Variants in SFT2D2 observed in about 807,000 individuals in gnomAD.
The protein encoded by SFT2D2 is vesicle transport protein SFT2B.
Under a neutral mutation model 27.4 loss-of-function variants are expected in SFT2D2, and 21 were observed. That is an observed-to-expected ratio of 0.77 (90% CI 0.54 to 1.10). SFT2D2 has a LOEUF of 1.10. Among genes scored for constraint, SFT2D2 ranks in the 50% least tolerant of loss-of-function variants. SFT2D2 has a pLI of 0.00. For missense variants in SFT2D2, 187 were observed against 194.2 expected, an observed-to-expected ratio of 0.96 and a Z score of 0.22; for synonymous variants, 72 against 71.7, an observed-to-expected ratio of 1.00 and a Z score of -0.02.
chr1:168,232,541 CT>C (rs1359989268), intron 3 of SFT2D2, among the ~76,000 whole-genome samples: 1 of 152,192 alleles, frequency 6.6e-6, no homozygotes, highest in South Asian at 2.1e-4. Context: ...TTGTTTCCCC[CT>C]TTTCCCTTCC....
At chr1:168,227,687 C>G (rs1321348837) in intron 1 of SFT2D2, among the ~76,000 whole-genome samples, 1 of 152,116 alleles carries the variant, frequency 6.6e-6, no homozygotes, top group African/African-American at 2.4e-5. Flanking sequence ...CAGACCGGGC[C>G]TAAGAAAGGT....
At chr1:168,241,207 T>C (rs1423190946) in intron 7 of SFT2D2, among the ~76,000 whole-genome samples, 1 of 138,292 alleles carries the variant, frequency 7.2e-6, no homozygotes. Flanking sequence ...CTTCTATTCT[T>C]TTTTTTTTTT....
chr1:168,229,112 T>C (rs1398013434), intron 1 of SFT2D2, among the ~76,000 whole-genome samples: 1 of 152,188 alleles, frequency 6.6e-6, no homozygotes, highest in African/African-American at 2.4e-5. Flanking sequence ...TGGATTCAGC[T>C]TGAGAGACTT....
rs573701244 is a variant in SFT2D2, at chr1:168,248,128, C to G, written c.*5588C>G. On this transcript the variant is annotated 3_prime_UTR_variant, in exon 8 of 8. Coordinates refer to ENST00000271375, the MANE Select transcript of SFT2D2 (RefSeq NM_199344.3). The stretch of plus-strand genomic sequence containing the variant: ...TCCCATTCTGTAGGTTGCCTGTTCA[C>G]TCTGATGATAGTTTCTTTTGCTGTG... 4 of 152,188 alleles carry G rather than the reference C, an allele frequency of 2.6e-5. No homozygotes were observed. Among genetic ancestry groups the G allele is most frequent in the Non-Finnish European group, 1.5e-5 (1 of 68,036 alleles). The allele number at this position is 152,188 out of a possible 1,614,324, so 9.4% of individuals were successfully genotyped here. A position where few individuals can be genotyped will look rare whatever the true frequency, so the allele number is the denominator to read the frequency against.
Position 168,246,657 on chromosome 1 carries a change from A to G in SFT2D2, c.*4117A>G. 7.6e-7 allele frequency: 1 copy of G among 1,317,918 alleles called. No homozygotes were observed. The highest frequency in any genetic ancestry group is 1.1e-6 in the Non-Finnish European group (1 of 930,516). 81.6% of individuals were successfully genotyped at this position (1,317,918 alleles called of 1,614,324 possible). A position where few individuals can be genotyped will look rare whatever the true frequency, so the allele number is the denominator to read the frequency against. Reference sequence around the variant, plus strand: ...GCTCTTGGTCTCTTTCTGTTGAGTGACTTTGATCATGATCATGTAGAGCAA... The same window carrying G: ...GCTCTTGGTCTCTTTCTGTTGAGTGGCTTTGATCATGATCATGTAGAGCAA... On this transcript the variant is annotated 3_prime_UTR_variant, in exon 8 of 8. Coordinates refer to ENST00000271375, the MANE Select transcript of SFT2D2 (RefSeq NM_199344.3).
chr1:168,239,249 C>CTGAAGTCT (rs1212690984), intron 7 of SFT2D2, 89 bp downstream of exon 7: 1 of 1,055,768 alleles, frequency 9.5e-7, no homozygotes, highest in East Asian at 2.4e-5. Flanking sequence ...TTTATCTTTA[C>CTGAAGTCT]TGAAGTCTTT....
chr1:168,240,727 C>T lies in SFT2D2; in HGVS notation c.443+1567C>T, dbSNP rs146163953. Reference sequence around the variant, plus strand: ...AGGAGTTCAAGACCAGCTTGACCAACGTGGTGAACTCCTGTCTTTACTAAA... The same window carrying T: ...AGGAGTTCAAGACCAGCTTGACCAATGTGGTGAACTCCTGTCTTTACTAAA... On this transcript the variant is annotated intron_variant, in intron 7 of 7. Transcript: ENST00000271375. Among the ~76,000 whole-genome samples the T allele has an allele frequency of 2.1e-3, 317 of 152,238 alleles. 3 individuals are homozygous for T. Among genetic ancestry groups the T allele is most frequent in the African/African-American group, 6.9e-3 (286 of 41,540 alleles).
chr1:168,236,880 G>T, intron 6 of SFT2D2, 110 bp downstream of exon 6: 1 of 1,264,030 alleles, frequency 7.9e-7, no homozygotes, highest in South Asian at 1.2e-5. Flanking sequence ...CACAGAAGCT[G>T]TTTAATTTAA....
rs1254627085 is a variant in SFT2D2 at position 168,252,478 on chromosome 1, A to G, written c.*9938A>G. 6.6e-6 allele frequency: 1 copy of G among 152,106 alleles called. No individual in the cohort carries two copies. The highest frequency in any genetic ancestry group is 1.5e-5 in the Non-Finnish European group (1 of 68,036). The allele number at this position is 152,106 out of a possible 1,614,324, so 9.4% of individuals were successfully genotyped here. On this transcript the variant is annotated 3_prime_UTR_variant, in exon 8 of 8. Transcript: ENST00000271375. ...TGTTCTAAGTACAGATGAACCTTGT[A>G]TTTGTGTAATCTCCCAAGGGAGAGC...
At chr1:168,232,030 G>A (rs945540152) in intron 3 of SFT2D2, 111 bp downstream of exon 3, 17 of 817,350 alleles carry the variant, frequency 2.1e-5, no homozygotes, top group Non-Finnish European at 3.5e-5. Flanking sequence ...AAGGAATTTG[G>A]AGAGAAGTAG....
intron 3 of SFT2D2, among the ~76,000 whole-genome samples, chr1:168,234,132 T>A (rs1347120339): frequency 6.6e-6 from 1 of 152,222 alleles, no homozygotes; most frequent in East Asian, 1.9e-4. Context: ...GCGCAGTGGC[T>A]CACGCCTATA....
chr1:168,237,601 A>G lies in SFT2D2; in HGVS notation c.413+831A>G, dbSNP rs547544087. ...CCTATTTTTGAAAAAAATGTTTGCT[A>G]CAGTGTAAAGAAAGGAGGATTGTGG... is the stretch of plus-strand genomic sequence containing the variant. On this transcript the variant is annotated intron_variant, in intron 6 of 7. Transcript: ENST00000271375. Among the ~76,000 whole-genome samples the G allele has an allele frequency of 3.9e-5, 6 of 152,346 alleles. No individual in the cohort carries two copies. In the South Asian group the frequency reaches 1.0e-3, roughly 26 times the overall value.
chr1:168,228,798 G>C (rs1700485718), intron 1 of SFT2D2, among the ~76,000 whole-genome samples: 1 of 152,182 alleles, frequency 6.6e-6, no homozygotes, highest in South Asian at 2.1e-4. Context: ...GACTGCCTGT[G>C]AGCGCATTGC....
chr1:168,232,151 A>G (rs1332430995), intron 3 of SFT2D2, among the ~76,000 whole-genome samples: 1 of 152,228 alleles, frequency 6.6e-6, no homozygotes, highest in Non-Finnish European at 1.5e-5. Flanking sequence ...ACATGTACAG[A>G]AACTGCGACA....
At position 168,240,517 on chromosome 1, in the gene SFT2D2, A is replaced by G. The variant is rs182777548; in HGVS notation, c.443+1357A>G. Among the ~76,000 whole-genome samples the G allele has an allele frequency of 2.0e-3, 298 of 152,312 alleles. 9 individuals are homozygous for G. The highest frequency in any genetic ancestry group is 2.6e-4 in the Non-Finnish European group (18 of 68,018). ...CGGAGTTCATCATTACTGAGGATCC[A>G]ATGAGATATTGATCAACCTGCCAAC... is the stretch of plus-strand genomic sequence containing the variant. On this transcript the variant is annotated intron_variant, in intron 7 of 7. Coordinates refer to ENST00000271375, the MANE Select transcript of SFT2D2 (RefSeq NM_199344.3).
intron 3 of SFT2D2, 42 bp from the exon 4 acceptor site, chr1:168,235,059 G>A (rs756301723): frequency 1.3e-6 from 2 of 1,579,680 alleles, no homozygotes; most frequent in Non-Finnish European, 1.7e-6. Flanking sequence ...GCCTAGTGCA[G>A]TTCTGTTCTG....
At position 168,244,166 on chromosome 1, in the gene SFT2D2, TCTGA is replaced by T. The variant is rs1459922495; in HGVS notation, c.*1630_*1633del. 1 of 152,426 alleles carries T rather than the reference TCTGA, an allele frequency of 6.6e-6. No individual in the cohort carries two copies. The highest frequency in any genetic ancestry group is 1.5e-5 in the Non-Finnish European group (1 of 68,714). The allele number at this position is 152,426 out of a possible 1,614,324, so 9.4% of individuals were successfully genotyped here. On this transcript the variant is annotated 3_prime_UTR_variant, in exon 8 of 8. Transcript: ENST00000271375. ...TCTTTGTCCTACTGTGGCTAAGAAC[TCTGA>T]CTGGTTTTTTTTTTTTTTTCTTTTT...
At chr1:168,236,878 CTGTTT>C (rs1647518530) in intron 6 of SFT2D2, 108 bp downstream of exon 6, 1 of 1,258,796 alleles carries the variant, frequency 7.9e-7, no homozygotes, top group Non-Finnish European at 1.1e-6. Context: ...AACACAGAAG[CTGTTT>C]AATTTAAGGA....
chr1:168,245,151 T>G lies in SFT2D2; in HGVS notation c.*2611T>G, dbSNP rs1647775040. ...GGAGAAAAATGAAAGGCCTTTAGAT[T>G]GAAAAGAAATGAGTAAAACTGTCTA... On this transcript the variant is annotated 3_prime_UTR_variant, in exon 8 of 8. Coordinates refer to ENST00000271375, the MANE Select transcript of SFT2D2 (RefSeq NM_199344.3). 6.6e-6 allele frequency: 1 copy of G among 152,042 alleles called. No homozygotes were observed. Among genetic ancestry groups the G allele is most frequent in the African/African-American group, 2.4e-5 (1 of 41,392 alleles). 9.4% of individuals were successfully genotyped at this position (152,042 alleles called of 1,614,324 possible). A position where few individuals can be genotyped will look rare whatever the true frequency, so the allele number is the denominator to read the frequency against.
Sources: allele counts gnomAD v4.1 joint callset (sites outside exome capture counted in the v4.1 genomes callset), GRCh38; gene constraint gnomAD v4.1.1; transcripts MANE v1.5; gene names NCBI Gene and HGNC (gene_info 2026-07-23, HGNC 2026-07-21).